ROBO2: variants seen among roughly 807,000 people sequenced by gnomAD.
ROBO2 encodes roundabout homolog 2.
ROBO2 carries 53 observed loss-of-function variants against 160.8 expected under a neutral mutation model. That is an observed-to-expected ratio of 0.33 (90% CI 0.26 to 0.41). The LOEUF is 0.41. ROBO2 is among the 10% of genes least tolerant of loss of function. The pLI is 1.00. For missense variants in ROBO2, 1,577 were observed against 1,722.4 expected, an observed-to-expected ratio of 0.92 and a Z score of 1.49; for synonymous variants, 664 against 611.7, an observed-to-expected ratio of 1.09 and a Z score of -1.26.
chr3:76,020,141 A>G lies in ROBO2; in HGVS notation c.109+82539A>G, dbSNP rs147012655. Among the ~76,000 whole-genome samples the G allele has an allele frequency of 6.6e-5, 10 of 152,058 alleles. No individual in the cohort carries two copies. The East Asian group carries it at 1.9e-3, about 29-fold the overall frequency. ...ATTGTTTTATGATGTTTTCCATTCT[A>G]TATGATGCTTTGTGCCTTAAAGACT... On this transcript the variant is annotated intron_variant, in intron 2 of 26. Transcript: ENST00000487694.
intron 2 of ROBO2, among the ~76,000 whole-genome samples, chr3:76,035,148 T>C (rs2107731679): frequency 6.6e-6 from 1 of 152,078 alleles, no homozygotes; most frequent in Admixed American, 6.5e-5. Context: ...ATTTAATTAC[T>C]TACCTATCTT....
chr3:76,689,912 A>G (rs915804775), intron 2 of ROBO2, among the ~76,000 whole-genome samples: 30 of 152,070 alleles, frequency 2.0e-4, no homozygotes, highest in African/African-American at 7.0e-4. Context: ...ATGTAACATA[A>G]CCTTCCCTCG....
intron 5 of ROBO2, among the ~76,000 whole-genome samples, chr3:77,509,240 T>TGGGA (rs1221346888): frequency 4.6e-5 from 7 of 151,788 alleles, no homozygotes; most frequent in African/African-American, 1.7e-4. Flanking sequence ...GGTGGGAAGG[T>TGGGA]AGGAAGGAGG....
At chr3:76,189,317 G>A (rs1427029774) in intron 2 of ROBO2, among the ~76,000 whole-genome samples, 4 of 152,094 alleles carry the variant, frequency 2.6e-5, no homozygotes, top group Admixed American at 6.6e-5. Flanking sequence ...GTGTTTTTAT[G>A]AATTAAGTGA....
chr3:76,297,896 A>G (rs1709161408), intron 2 of ROBO2, among the ~76,000 whole-genome samples: 1 of 152,186 alleles, frequency 6.6e-6, no homozygotes, highest in Non-Finnish European at 1.5e-5. Flanking sequence ...TAACAGCTAT[A>G]AAACAAGAGC....
chr3:77,607,396 C>T (rs1037447620), intron 20 of ROBO2, among the ~76,000 whole-genome samples: 1 of 152,044 alleles, frequency 6.6e-6, no homozygotes, highest in Non-Finnish European at 1.5e-5. Flanking sequence ...TAGCCTATAT[C>T]CTTAGACCTT....
chr3:76,710,089 C>T (rs1285995678), intron 2 of ROBO2, among the ~76,000 whole-genome samples: 1 of 151,722 alleles, frequency 6.6e-6, no homozygotes, highest in Admixed American at 6.6e-5. Context: ...CTGAGGCCTG[C>T]CCCTCTTCCA....
At chr3:77,531,692 T>C (rs1216560233) in intron 6 of ROBO2, among the ~76,000 whole-genome samples, 3 of 152,284 alleles carry the variant, frequency 2.0e-5, no homozygotes, top group East Asian at 1.9e-4. Flanking sequence ...TAATTGGATA[T>C]TGGAAAATCA....
intron 2 of ROBO2, among the ~76,000 whole-genome samples, chr3:77,010,048 A>G (rs2061788510): frequency 6.6e-6 from 1 of 151,890 alleles, no homozygotes; most frequent in Non-Finnish European, 1.5e-5. Flanking sequence ...TCAGAATTCC[A>G]TTAACTTAAT....
At chr3:77,099,019 T>A (rs1178164260) in intron 2 of ROBO2, among the ~76,000 whole-genome samples, 2 of 151,828 alleles carry the variant, frequency 1.3e-5, no homozygotes, top group Admixed American at 1.3e-4. Flanking sequence ...AAATAATAGC[T>A]CATGGGCCTG....
intron 2 of ROBO2, among the ~76,000 whole-genome samples, chr3:76,160,242 C>G (rs1334065917): frequency 1.3e-5 from 2 of 152,106 alleles, no homozygotes; most frequent in South Asian, 2.1e-4. Flanking sequence ...TCTCTTGTTA[C>G]TCTTCAAAGA....
chr3:77,155,540 A>G (rs1469728629), intron 2 of ROBO2, among the ~76,000 whole-genome samples: 2 of 151,986 alleles, frequency 1.3e-5, no homozygotes. Flanking sequence ...AAACAACATG[A>G]TCTTAGCCCA....
intron 2 of ROBO2, among the ~76,000 whole-genome samples, chr3:76,875,290 G>A (rs1577185324): frequency 6.6e-6 from 1 of 152,170 alleles, no homozygotes; most frequent in Non-Finnish European, 1.5e-5. Flanking sequence ...CCAGAACTGT[G>A]AGAAATACGT....
chr3:76,533,971 T>A (rs1036800466), intron 2 of ROBO2, among the ~76,000 whole-genome samples: 2 of 152,174 alleles, frequency 1.3e-5, no homozygotes, highest in Non-Finnish European at 2.9e-5. Flanking sequence ...TCTTGGCTCC[T>A]GCAGGCCATC....
intron 2 of ROBO2, among the ~76,000 whole-genome samples, chr3:76,440,953 C>A (rs2076899546): frequency 6.6e-6 from 1 of 152,132 alleles, no homozygotes; most frequent in Non-Finnish European, 1.5e-5. Context: ...TAGCCTAACT[C>A]CCAGCACATA....
intron 14 of ROBO2, among the ~76,000 whole-genome samples, chr3:77,576,263 T>G (rs2153671957): frequency 6.6e-6 from 1 of 152,202 alleles, no homozygotes; most frequent in African/African-American, 2.4e-5. Flanking sequence ...GTGTCCTATA[T>G]CTCAATGCAA....
chr3:77,090,033 G>A (rs980983997), intron 1 of ROBO2, among the ~76,000 whole-genome samples: 1 of 151,998 alleles, frequency 6.6e-6, no homozygotes, highest in African/African-American at 2.4e-5. Flanking sequence ...TTTGACTAAC[G>A]ATAAATAGTA....
chr3:76,090,600 G>C (rs2108089786), intron 2 of ROBO2, among the ~76,000 whole-genome samples: 1 of 152,204 alleles, frequency 6.6e-6, no homozygotes, highest in South Asian at 2.1e-4. Context: ...ACTGATTCTA[G>C]TGTTTATACA....
rs1434833868 is a variant in ROBO2, at chr3:76,793,630, G to C, written c.110-304384G>C. Reference sequence around the variant, plus strand: ...TATTATTATTATACTGTAAGTTTTAGGGTACATGTGCACAATGTGCAGGTT... The same window carrying C: ...TATTATTATTATACTGTAAGTTTTACGGTACATGTGCACAATGTGCAGGTT... On this transcript the variant is annotated intron_variant, in intron 2 of 26. Coordinates refer to the ROBO2 transcript ENST00000487694. 2.0e-5 allele frequency among the ~76,000 whole-genome samples: 3 copies of C among 151,414 alleles called. No homozygotes were observed. The East Asian group carries it at 5.8e-4, about 29-fold the overall frequency.
Sources: allele counts gnomAD v4.1 joint callset (sites outside exome capture counted in the v4.1 genomes callset), GRCh38; gene constraint gnomAD v4.1.1; transcripts MANE v1.5; gene names NCBI Gene and HGNC (gene_info 2026-07-23, HGNC 2026-07-21).